ARHGEF12: variants seen among roughly 807,000 people sequenced by gnomAD.
ARHGEF12 encodes the protein KMT2A/ARHGEF12 fusion protein.
Under a neutral mutation model 211.2 loss-of-function variants are expected in ARHGEF12, and 66 were observed. That is an observed-to-expected ratio of 0.31 (90% CI 0.26 to 0.38). The LOEUF (loss-of-function observed/expected upper bound fraction) is 0.38, where lower values mean the gene tolerates loss of function less well. Among genes scored for constraint, ARHGEF12 ranks in the 10% least tolerant of loss-of-function variants. The pLI, the probability that ARHGEF12 is intolerant of heterozygous loss-of-function variation, is 1.00. For missense variants in ARHGEF12, 1,429 were observed against 1,869.5 expected (o/e 0.76, Z 4.34); for synonymous variants, 592 against 638.4 (o/e 0.93, Z 1.09).
At position 120,431,590 on chromosome 11, in the gene ARHGEF12, G is replaced by A. The variant is rs112640730; in HGVS notation, c.784-181G>A. On this transcript the variant is annotated intron_variant, in intron 10 of 40. Transcript: ENST00000397843. The stretch of plus-strand genomic sequence containing the variant: ...TAAGGTCATGACATTTTAGAATACC[G>A]GAATTAGTAGTTATTTATGGATTTT... Among the ~76,000 whole-genome samples, 706 of 152,194 alleles carry A rather than the reference G, an allele frequency of 4.6e-3. 3 individuals are homozygous for A. Among genetic ancestry groups the A allele is most frequent in the African/African-American group, 0.016 (673 of 41,526 alleles).
chr11:120,462,275 T>C (rs1335893312), intron 27 of ARHGEF12, among the ~76,000 whole-genome samples: 3 of 151,584 alleles, frequency 2.0e-5, no homozygotes, highest in Non-Finnish European at 4.4e-5. Context: ...GGGAAGAGAG[T>C]TGGGGGAATG....
At chr11:120,430,662 T>C (rs1187259867) in intron 10 of ARHGEF12, among the ~76,000 whole-genome samples, 1 of 152,230 alleles carries the variant, frequency 6.6e-6, no homozygotes, top group African/African-American at 2.4e-5. Flanking sequence ...TTTGTCACTG[T>C]TCCCGAGTTA....
At chr11:120,416,425 A>G (rs1441626588) in intron 4 of ARHGEF12, among the ~76,000 whole-genome samples, 2 of 152,226 alleles carry the variant, frequency 1.3e-5, no homozygotes, top group Non-Finnish European at 2.9e-5. Context: ...AGGAGTACAC[A>G]GAGGGTGCAG....
intron 12 of ARHGEF12, chr11:120,439,292 T>C (rs1945792866): frequency 6.6e-6 from 1 of 152,232 alleles, no homozygotes; most frequent in Non-Finnish European, 1.5e-5. Context: ...AATTTTGTTA[T>C]CTTTGTTTCT....
At position 120,440,120 on chromosome 11, in the gene ARHGEF12, T is replaced by C; in HGVS notation, c.1000-9T>C. On this transcript the variant is annotated splice_polypyrimidine_tract_variant and intron_variant, in intron 12 of 40. Coordinates refer to ENST00000397843, the MANE Select transcript of ARHGEF12 (RefSeq NM_015313.3). ...AATTTTTCTGTTTCTTTTCCCTGAA[T>C]GTTGCCAGGACACTCAATCACTTGT... 6.3e-7 allele frequency: 1 copy of C among 1,599,862 alleles called. No individual in the cohort carries two copies. Among genetic ancestry groups the C allele is most frequent in the Non-Finnish European group, 8.5e-7 (1 of 1,172,140 alleles).
At chr11:120,481,675 C>A (rs962649927) in intron 39 of ARHGEF12, 99 bp downstream of exon 39, 3 of 1,196,894 alleles carry the variant, frequency 2.5e-6, no homozygotes, top group African/African-American at 3.0e-5. Flanking sequence ...TAAACTTGTT[C>A]AGGTTCTAGA....
intron 8 of ARHGEF12, 64 bp from the exon 9 acceptor site, chr11:120,429,376 A>C (rs1945458013): frequency 7.3e-7 from 1 of 1,374,064 alleles, no homozygotes. Context: ...CATTTTCTCT[A>C]TTTATTTTAG....
Position 120,486,823 on chromosome 11 carries a change from G to C in ARHGEF12, c.*1746G>C, listed in dbSNP as rs1947408758. On this transcript the variant is annotated 3_prime_UTR_variant, in exon 41 of 41. Coordinates refer to ENST00000397843, the MANE Select transcript of ARHGEF12 (RefSeq NM_015313.3). ...CAGATTTCTGTTTCTGTCCTAAATT[G>C]ATCTGTGTTTTTAGGTGGATCAACT... 4.6e-6 allele frequency: 1 copy of C among 216,548 alleles called. No individual in the cohort carries two copies. Among genetic ancestry groups the C allele is most frequent in the African/African-American group, 2.2e-5 (1 of 44,470 alleles). The allele number at this position is 216,548 out of a possible 1,614,324, so 13.4% of individuals were successfully genotyped here.
At chr11:120,387,576 G>T (rs1321742226) in intron 1 of ARHGEF12, among the ~76,000 whole-genome samples, 2 of 151,946 alleles carry the variant, frequency 1.3e-5, no homozygotes, top group Non-Finnish European at 2.9e-5. Flanking sequence ...ATCTTAAAAA[G>T]AAGAACACCT....
rs747754300 is a variant in ARHGEF12, at chr11:120,480,315, T to A, written c.4122T>A (p.Leu1374=). 10 of 1,614,064 alleles carry A rather than the reference T, an allele frequency of 6.2e-6. No individual in the cohort carries two copies. The African/African-American group carries it at 1.3e-4, about 22-fold the overall frequency. ...EMPTMEPEGG[L]DDSGEHFFDA... ...CTACCATGGAGCCAGAAGGGGGTCT[T>A]GATGACAGTGGAGAGCACTTTTTTG... The change falls in exon 38 of 41, where the codon CTT becomes CTA. Residue 1374 remains leucine (L), a synonymous_variant. Coordinates refer to ENST00000397843, the MANE Select transcript of ARHGEF12 (RefSeq NM_015313.3).
chr11:120,480,052 G>T lies in ARHGEF12; in HGVS notation c.3859G>T (p.Ala1287Ser), dbSNP rs1298270796. 6.2e-7 allele frequency: 1 copy of T among 1,614,206 alleles called. No individual in the cohort carries two copies. Among genetic ancestry groups the T allele is most frequent in the Admixed American group, 1.7e-5 (1 of 60,022 alleles). The change falls in exon 38 of 41, where the codon GCC (alanine) becomes TCC (serine). Residue 1287 changes from alanine to serine, a missense_variant. Ala to Ser is a moderately conservative substitution (Grantham distance 99). This residue lies in a region of ARHGEF12 where 467 missense variants were observed against 468.4 expected (regional missense o/e 1.00). Coordinates refer to ENST00000397843, the MANE Select transcript of ARHGEF12 (RefSeq NM_015313.3). Reference sequence around the variant, plus strand: ...GCAACATTTCCCAAGATACAGAACAGCCTCTCAGGGGCCGCAGACAGACAG... The same window carrying T: ...GCAACATTTCCCAAGATACAGAACATCCTCTCAGGGGCCGCAGACAGACAG... ...DWQHFPRYRT[A>S]SQGPQTDSVI... is the part of the protein sequence containing the mutation.
At chr11:120,445,377 A>C (rs377758526) in intron 15 of ARHGEF12, 45 bp from the exon 16 acceptor site, 4 of 1,604,740 alleles carry the variant, frequency 2.5e-6, no homozygotes, top group African/African-American at 1.3e-5. Flanking sequence ...TACATCTTCA[A>C]ATATCTTTAG....
intron 1 of ARHGEF12, among the ~76,000 whole-genome samples, chr11:120,399,733 G>A (rs903805713): frequency 4.6e-5 from 7 of 151,998 alleles, no homozygotes; most frequent in Non-Finnish European, 5.9e-5. Context: ...TTAACTTGTC[G>A]AATCACTTTT....
intron 10 of ARHGEF12, among the ~76,000 whole-genome samples, chr11:120,430,548 C>G (rs1402324332): frequency 6.6e-6 from 1 of 152,148 alleles, no homozygotes; most frequent in Non-Finnish European, 1.5e-5. Context: ...ACCAGACTTA[C>G]ATTCTGTAAT....
At chr11:120,356,954 C>T (rs1369722298) in intron 1 of ARHGEF12, among the ~76,000 whole-genome samples, 1 of 151,956 alleles carries the variant, frequency 6.6e-6, no homozygotes, top group African/African-American at 2.4e-5. Context: ...AAGTAGCATG[C>T]CTAGTGAGTG....
At chr11:120,448,115 T>C in intron 19 of ARHGEF12, 119 bp from the exon 20 acceptor site, 1 of 815,722 alleles carries the variant, frequency 1.2e-6, no homozygotes, top group Non-Finnish European at 2.0e-6. Context: ...AGTTCTTTAG[T>C]GTTTGTTTGA....
chr11:120,399,582 A>G (rs1944500816), intron 1 of ARHGEF12, among the ~76,000 whole-genome samples: 1 of 152,116 alleles, frequency 6.6e-6, no homozygotes, highest in African/African-American at 2.4e-5. Flanking sequence ...AGGATCATGA[A>G]TAAATACTCT....
chr11:120,362,998 G>T (rs1943320113), intron 1 of ARHGEF12, among the ~76,000 whole-genome samples: 1 of 152,216 alleles, frequency 6.6e-6, no homozygotes, highest in South Asian at 2.1e-4. Context: ...TACTTGGGAG[G>T]CTGAGGCAGG....
rs1349364507 is a variant in ARHGEF12, at chr11:120,458,122, A to G, written c.2268A>G (p.Glu756=). The change falls in exon 25 of 41, where the codon GAA becomes GAG. Residue 756 remains glutamate, a synonymous_variant. Coordinates refer to ENST00000397843, the MANE Select transcript of ARHGEF12 (RefSeq NM_015313.3). ...TTGGAGAAAGTCAAAGTGAGGATGA[A>G]CAATTTGAAAATGACTTAGAGACAG... ...VAFGESQSED[E]QFENDLETDP... 1.2e-6 allele frequency: 2 copies of G among 1,608,588 alleles called. No individual in the cohort carries two copies. Among genetic ancestry groups the G allele is most frequent in the Non-Finnish European group, 1.7e-6 (2 of 1,178,902 alleles).
Sources: gnomAD v4.1 joint callset for allele counts (sites outside exome capture counted in the v4.1 genomes callset) on GRCh38, gnomAD v4.1.1 for gene constraint, gnomAD v4.1.1 regional missense constraint, MANE v1.5 for transcripts, NCBI Gene and HGNC (gene_info 2026-07-23, HGNC 2026-07-21) for gene names.